The following SLC13A3 variants were observed in gnomAD, a reference collection of about 807,000 sequenced individuals.
The protein encoded by SLC13A3 is Na(+)/dicarboxylate cotransporter 3.
SLC13A3 carries 40 observed loss-of-function variants against 59.0 expected under a neutral mutation model. That is an observed-to-expected ratio of 0.68 (90% CI 0.53 to 0.88). The LOEUF is 0.88. Ranked by LOEUF, SLC13A3 falls within the 40% of genes least tolerant of loss-of-function variation. SLC13A3 has a pLI of 0.00. For synonymous variants in SLC13A3, 317 were observed against 330.3 expected, an observed-to-expected ratio of 0.96 and a Z score of 0.44; for missense variants, 699 against 783.2, an observed-to-expected ratio of 0.89 and a Z score of 1.28.
chr20:46,631,540 C>T (rs547660910), intron 1 of SLC13A3, among the ~76,000 whole-genome samples: 1 of 152,146 alleles, frequency 6.6e-6, no homozygotes, highest in African/African-American at 2.4e-5. Context: ...TCACGCGTGA[C>T]CCTGAGTGAG....
In SLC13A3 at chr20:46,566,382, C is replaced by T. The variant is rs140171532; in HGVS notation, c.1341G>A (p.Gly447=). The change falls in exon 11 of 13, where the codon GGG becomes GGA. Residue 447 remains glycine (G), a synonymous_variant. Transcript: ENST00000279027. ...FAMAKGCEES[G]LSVWIGGQLH... ...GCTGCCCACCAATCCATACAGACAG[C>T]CCCGATTCCTGCGGAGGGAAAGGCA... is the stretch of plus-strand genomic sequence containing the variant. 6.2e-7 allele frequency: 1 copy of T among 1,612,220 alleles called. No homozygotes were observed. Among genetic ancestry groups the T allele is most frequent in the Non-Finnish European group, 8.5e-7 (1 of 1,178,720 alleles).
chr20:46,560,648 A>G (rs1015781143), intron 12 of SLC13A3, among the ~76,000 whole-genome samples: 7 of 152,024 alleles, frequency 4.6e-5, no homozygotes, highest in Admixed American at 1.3e-4. Flanking sequence ...GCACACACAC[A>G]CGCATGCATG....
At chr20:46,628,412 C>T (rs915290306) in intron 1 of SLC13A3, among the ~76,000 whole-genome samples, 22 of 152,238 alleles carry the variant, frequency 1.4e-4, no homozygotes, top group African/African-American at 5.1e-4. Flanking sequence ...CTCCCTCTGC[C>T]GTCAGAAGCC....
rs561837245 is a variant in SLC13A3, at chr20:46,592,385, A to G, written c.920+19T>C. 7.4e-6 allele frequency: 12 copies of G among 1,613,370 alleles called. No individual in the cohort carries two copies. In the East Asian group the frequency reaches 2.2e-4, roughly 30 times the overall value. ...TCCCTGCTTCCCCACTCTATTGCCA[A>G]AAAGAAAATGAGAGGTACCTGAAGC... On this transcript the variant is annotated intron_variant, in intron 6 of 12. Transcript: ENST00000279027.
At chr20:46,573,772 A>G (rs1249949022) in intron 10 of SLC13A3, among the ~76,000 whole-genome samples, 1 of 152,234 alleles carries the variant, frequency 6.6e-6, no homozygotes, top group Non-Finnish European at 1.5e-5. Context: ...GGAGTGGTAG[A>G]GCCTAGATTG....
intron 1 of SLC13A3, among the ~76,000 whole-genome samples, chr20:46,627,948 C>T (rs1169914552): frequency 1.3e-5 from 2 of 151,578 alleles, no homozygotes; most frequent in Non-Finnish European, 2.9e-5. Flanking sequence ...TCACTCCCAG[C>T]CCTGGTCCGT....
chr20:46,617,779 G>A (rs1394786641), intron 1 of SLC13A3, among the ~76,000 whole-genome samples: 2 of 152,174 alleles, frequency 1.3e-5, no homozygotes, highest in Non-Finnish European at 2.9e-5. Context: ...CAGGAAATCT[G>A]CATCACATTC....
At chr20:46,673,009 T>C (rs1382911626), upstream of SLC13A3, among the ~76,000 whole-genome samples, 1 of 152,116 alleles carries the variant, frequency 6.6e-6, no homozygotes, top group Non-Finnish European at 1.5e-5. Context: ...ATGATTATTG[T>C]TTAAGTTTGG....
chr20:46,646,974 G>A (rs145025245), intron 1 of SLC13A3, among the ~76,000 whole-genome samples: 5 of 152,318 alleles, frequency 3.3e-5, no homozygotes, highest in Non-Finnish European at 2.9e-5. Context: ...TTAGGCAAAT[G>A]CAAGAAAGGG....
At chr20:46,625,681 T>G (rs1350278951) in intron 1 of SLC13A3, among the ~76,000 whole-genome samples, 1 of 152,216 alleles carries the variant, frequency 6.6e-6, no homozygotes, top group East Asian at 1.9e-4. Flanking sequence ...GGTTTTTGCC[T>G]GTTCTGGGAT....
Position 46,610,466 on chromosome 20 carries a change from T to G in SLC13A3, c.521A>C (p.Gln174Pro), listed in dbSNP as rs767682004. 1.2e-5 allele frequency: 20 copies of G among 1,613,828 alleles called. No individual in the cohort carries two copies. The South Asian group carries it at 1.3e-4, about 11-fold the overall frequency. The change falls in exon 3 of 13, where the codon CAG becomes CCG. Residue 174 changes from glutamine to proline, a missense_variant. By Grantham distance (76) the Gln-to-Pro change is moderately conservative (BLOSUM62 -1). Transcript: ENST00000279027. Reference sequence around the variant, plus strand: ...CTCACCTGTGTTCTCTTCACTCTCCTGGCTGGGGTCCTTTCGAACCTCCTT... The same window carrying G: ...CTCACCTGTGTTCTCTTCACTCTCCGGGCTGGGGTCCTTTCGAACCTCCTT... Reference protein sequence around the residue: ...GQKEVRKDPSQESEENTAAVR... With the variant: ...GQKEVRKDPSPESEENTAAVR...
At position 46,566,393 on chromosome 20, in the gene SLC13A3, G is replaced by A; in HGVS notation, c.1333-3C>T. ...ATCCATACAGACAGCCCCGATTCCTGCGGAGGGAAAGGCATTCCTTCATAC... is the reference window on the plus strand; with the variant it reads ...ATCCATACAGACAGCCCCGATTCCTACGGAGGGAAAGGCATTCCTTCATAC... On this transcript the variant is annotated splice_region_variant and splice_polypyrimidine_tract_variant and intron_variant, in intron 10 of 12. Coordinates refer to ENST00000279027, the MANE Select transcript of SLC13A3 (RefSeq NM_022829.6). The A allele has an allele frequency of 6.2e-7, 1 of 1,611,614 alleles. No homozygotes were observed. The highest frequency in any genetic ancestry group is 8.5e-7 in the Non-Finnish European group (1 of 1,178,378).
At chr20:46,673,022 G>A (rs1000347998), upstream of SLC13A3, among the ~76,000 whole-genome samples, 4 of 152,130 alleles carry the variant, frequency 2.6e-5, no homozygotes, top group Non-Finnish European at 5.9e-5. Context: ...AAGTTTGGGG[G>A]ATAGTTTGTC....
intron 9 of SLC13A3, among the ~76,000 whole-genome samples, chr20:46,582,109 A>G (rs185711): frequency 0.41 from 62,213 of 151,610 alleles, 13,298 homozygotes; most frequent in African/African-American, 0.51. Flanking sequence ...GTAATGTAGC[A>G]AGACCCCTGT....
intron 3 of SLC13A3, among the ~76,000 whole-genome samples, chr20:46,601,618 T>C (rs1309824373): frequency 6.6e-6 from 1 of 152,164 alleles, no homozygotes; most frequent in African/African-American, 2.4e-5. Flanking sequence ...TGAAGATGCA[T>C]GCCATGCAAA....
intron 1 of SLC13A3, among the ~76,000 whole-genome samples, chr20:46,662,262 T>C (rs531908043): frequency 6.6e-6 from 1 of 152,332 alleles, no homozygotes; most frequent in South Asian, 2.1e-4. Flanking sequence ...CCTATTTTGA[T>C]GGGGTGGTGT....
chr20:46,572,847 G>A (rs939071398), intron 10 of SLC13A3, among the ~76,000 whole-genome samples: 2 of 152,164 alleles, frequency 1.3e-5, no homozygotes, highest in Non-Finnish European at 2.9e-5. Context: ...TGGGAAATCT[G>A]TGATTCCAAT....
At chr20:46,584,799 C>T (rs937862832) in intron 8 of SLC13A3, among the ~76,000 whole-genome samples, 1 of 152,178 alleles carries the variant, frequency 6.6e-6, no homozygotes, top group South Asian at 2.1e-4. Flanking sequence ...GAGAAACAGT[C>T]GTACTTTTGT....
At chr20:46,575,840 G>T (rs1007575571) in intron 9 of SLC13A3, among the ~76,000 whole-genome samples, 155 bp from the exon 10 acceptor site, 1 of 152,180 alleles carries the variant, frequency 6.6e-6, no homozygotes, top group Admixed American at 6.5e-5. Flanking sequence ...GGGAGAGAGT[G>T]CACAGGCATC....
Sources: gnomAD v4.1 joint callset for allele counts (sites outside exome capture counted in the v4.1 genomes callset) on GRCh38, gnomAD v4.1.1 for gene constraint, MANE v1.5 for transcripts, NCBI Gene and HGNC (gene_info 2026-07-23, HGNC 2026-07-21) for gene names.